AFF3: variants seen among roughly 807,000 people sequenced by gnomAD.
The protein encoded by AFF3 is AF4/FMR2 family member 3.
A neutral mutation model predicts 129.7 loss-of-function variants in AFF3; 32 were observed. The observed-to-expected ratio is 0.25, with a 90% CI of 0.19 to 0.33. The LOEUF (loss-of-function observed/expected upper bound fraction) is 0.33. Among genes scored for constraint, AFF3 ranks in the 10% least tolerant of loss-of-function variants. The probability of loss-of-function intolerance (pLI) is 1.00; values close to 1 mark genes in which losing one functional copy is unlikely to be tolerated. For missense variants in AFF3, 1,373 were observed against 1,592.0 expected (o/e 0.86, Z 2.34); for synonymous variants, 644 against 635.4 (o/e 1.01, Z -0.20).
chr2:99,688,377 C>G (rs541140420), intron 11 of AFF3, among the ~76,000 whole-genome samples: 9 of 152,296 alleles, frequency 5.9e-5, no homozygotes, highest in South Asian at 4.1e-4. Context: ...GCCAAAAAGA[C>G]ATTTTCAGTC....
chr2:99,842,641 C>T (rs1344325170), intron 7 of AFF3, among the ~76,000 whole-genome samples: 1 of 152,204 alleles, frequency 6.6e-6, no homozygotes, highest in Admixed American at 6.5e-5. Flanking sequence ...TCTTCTACAG[C>T]ACTGTCTAGC....
At chr2:99,939,564 T>C (rs1674838177) in intron 7 of AFF3, among the ~76,000 whole-genome samples, 1 of 152,284 alleles carries the variant, frequency 6.6e-6, no homozygotes, top group Middle Eastern at 3.4e-3. Context: ...ATTTAAATAT[T>C]TGCAACAAAT....
intron 2 of AFF3, among the ~76,000 whole-genome samples, chr2:100,120,378 A>G (rs543086352): frequency 6.6e-6 from 1 of 152,316 alleles, no homozygotes; most frequent in South Asian, 2.1e-4. Flanking sequence ...AATTAAAATA[A>G]GAAAAAAAAT....
chr2:100,015,978 T>C (rs72955724), intron 4 of AFF3, among the ~76,000 whole-genome samples: 2,332 of 151,844 alleles, frequency 0.015, 52 homozygotes, highest in African/African-American at 0.053. Flanking sequence ...ATGGTGGTTA[T>C]GGTAGCAATG....
chr2:99,968,760 G>A (rs1576451047), intron 7 of AFF3, among the ~76,000 whole-genome samples: 1 of 152,178 alleles, frequency 6.6e-6, no homozygotes, highest in South Asian at 2.1e-4. Flanking sequence ...AAAGGCATGG[G>A]CAGCCACAAC....
chr2:99,878,307 A>G (rs1318583616), intron 7 of AFF3, among the ~76,000 whole-genome samples: 1 of 152,154 alleles, frequency 6.6e-6, no homozygotes, highest in Non-Finnish European at 1.5e-5. Context: ...TTTGGGGAGA[A>G]ACAGTTCTTG....
Position 99,578,383 on chromosome 2 carries a change from A to G in AFF3, c.2862T>C (p.Ser954=), listed in dbSNP as rs776967084. The G allele has an allele frequency of 1.9e-6, 3 of 1,611,246 alleles. No homozygotes were observed. Among genetic ancestry groups the G allele is most frequent in the Non-Finnish European group, 1.7e-6 (2 of 1,179,048 alleles). Residue 954 remains serine (S), a synonymous_variant, in exon 18 of 25, where the codon TCT becomes TCC. Coordinates refer to ENST00000672756, the MANE Select transcript of AFF3 (RefSeq NM_001386135.1). ...HKSRPQTKPW[S]PGSNGHRDCK... is the part of the protein sequence containing the mutation. ...AGTCCCTGTGGCCGTTGGAGCCTGGAGACCACGGCTTCGTCTGCGGCCGTG... is the reference window on the plus strand; with the variant it reads ...AGTCCCTGTGGCCGTTGGAGCCTGGGGACCACGGCTTCGTCTGCGGCCGTG...
At chr2:99,586,201 T>C (rs1271403542) in intron 16 of AFF3, among the ~76,000 whole-genome samples, 1 of 152,226 alleles carries the variant, frequency 6.6e-6, no homozygotes, top group Non-Finnish European at 1.5e-5. Context: ...ATTTTCCCCA[T>C]TTCCCCTTTC....
In AFF3 at chr2:99,982,432, C is replaced by T. The variant is rs1050793819; in HGVS notation, c.873+24200G>A. 2.6e-5 allele frequency among the ~76,000 whole-genome samples: 4 copies of T among 152,188 alleles called. No individual in the cohort carries two copies. The South Asian group carries it at 6.2e-4, about 24-fold the overall frequency. ...TGTGAGGCCTCCCCAGCCATGCGGACCTGTAAGTCTATTAAACCTCTTCGT... is the reference window on the plus strand; with the variant it reads ...TGTGAGGCCTCCCCAGCCATGCGGATCTGTAAGTCTATTAAACCTCTTCGT... On this transcript the variant is annotated intron_variant, in intron 7 of 24. Coordinates refer to ENST00000672756, the MANE Select transcript of AFF3 (RefSeq NM_001386135.1).
At chr2:99,576,348 CAA>C (rs59639748) in intron 18 of AFF3, among the ~76,000 whole-genome samples, 21 of 103,304 alleles carry the variant, frequency 2.0e-4, no homozygotes, top group Admixed American at 2.0e-4. Flanking sequence ...GCTTTTTCTA[CAA>C]AAAAAAAAAA....
intron 7 of AFF3, among the ~76,000 whole-genome samples, chr2:99,975,585 T>A (rs566856691): frequency 4.0e-5 from 6 of 151,114 alleles, no homozygotes; most frequent in African/African-American, 1.2e-4. Context: ...TTCCTTAAGG[T>A]GTATGTAGGA....
rs537218533 is a variant in AFF3, at chr2:99,723,821, G to A, written c.1091+3256C>T. Among the ~76,000 whole-genome samples, 7 of 152,130 alleles carry A rather than the reference G, an allele frequency of 4.6e-5. No homozygotes were observed. In the East Asian group the frequency reaches 5.8e-4, roughly 13 times the overall value. On this transcript the variant is annotated intron_variant, in intron 11 of 24. Transcript: ENST00000672756. The stretch of plus-strand genomic sequence containing the variant: ...ACAGAGGTAATCAAGTTAAAATGAC[G>A]TCATTAGGGTGGGCCCTAATCCAAT...
intron 10 of AFF3, among the ~76,000 whole-genome samples, chr2:99,742,340 T>C (rs189981870): frequency 7.2e-5 from 11 of 152,054 alleles, no homozygotes; most frequent in Non-Finnish European, 1.3e-4. Flanking sequence ...CAAGACCTTG[T>C]CTCAAGAAAA....
chr2:99,707,470 CAA>C, intron 11 of AFF3: 5 of 985,310 alleles, frequency 5.1e-6, no homozygotes, highest in Non-Finnish European at 6.0e-6. Flanking sequence ...GGCAAACAAA[CAA>C]AAGGTTATCC....
chr2:99,820,011 T>A (rs1687529267), intron 8 of AFF3, among the ~76,000 whole-genome samples: 1 of 152,200 alleles, frequency 6.6e-6, no homozygotes, highest in Admixed American at 6.5e-5. Flanking sequence ...GCAAAAAGAA[T>A]CCAACATTTC....
At chr2:99,716,474 T>C (rs1455463018) in intron 11 of AFF3, among the ~76,000 whole-genome samples, 1 of 152,130 alleles carries the variant, frequency 6.6e-6, no homozygotes, top group African/African-American at 2.4e-5. Context: ...ACTGGATTGC[T>C]GTAAGGGTTA....
intron 12 of AFF3, among the ~76,000 whole-genome samples, chr2:99,651,122 G>T (rs1685209077): frequency 6.8e-6 from 1 of 147,550 alleles, no homozygotes; most frequent in African/African-American, 2.5e-5. Flanking sequence ...GCAGTGAGCT[G>T]AGATCGCGCC....
intron 13 of AFF3, among the ~76,000 whole-genome samples, chr2:99,644,102 A>G (rs1177607190): frequency 6.6e-6 from 1 of 152,234 alleles, no homozygotes; most frequent in Non-Finnish European, 1.5e-5. Context: ...TTGTGAAATA[A>G]ATGAATAAAT....
At chr2:99,589,558 C>T (rs1475783955) in intron 15 of AFF3, among the ~76,000 whole-genome samples, 6 of 151,982 alleles carry the variant, frequency 3.9e-5, no homozygotes, top group Non-Finnish European at 8.8e-5. Context: ...CGCGCCACCA[C>T]GCCCAGCTAT....
Sources: gnomAD v4.1 joint callset for allele counts (sites outside exome capture counted in the v4.1 genomes callset) on GRCh38, gnomAD v4.1.1 for gene constraint, MANE v1.5 for transcripts, NCBI Gene and HGNC (gene_info 2026-07-23, HGNC 2026-07-21) for gene names.